TRPC5: variants seen among roughly 807,000 people sequenced by gnomAD.
TRPC5 encodes the protein short transient receptor potential channel 5.
Under a neutral mutation model 56.5 loss-of-function variants are expected in TRPC5, and 9 were observed. The ratio of observed to expected loss-of-function variants is 0.16; its 90% CI spans 0.10 to 0.28. The LOEUF (loss-of-function observed/expected upper bound fraction) is 0.28. Among genes scored for constraint, TRPC5 ranks in the 10% least tolerant of loss-of-function variants. The pLI is 1.00. For synonymous variants in TRPC5, 282 were observed against 278.5 expected (o/e 1.01, Z -0.13); for missense variants, 469 against 748.9 (o/e 0.63, Z 4.36).
At chrX:111,937,777 T>A (rs1300792001) in intron 2 of TRPC5, among the ~76,000 whole-genome samples, 2 of 102,059 alleles carry the variant, frequency 2.0e-5, no homozygotes, top group East Asian at 3.1e-4. Flanking sequence ...AGTCAGGTAG[T>A]GTGATGCCTC....
chrX:111,962,145 T>G lies in TRPC5; in HGVS notation c.-21-9704A>C, dbSNP rs2238998. Among the ~76,000 whole-genome samples the G allele has an allele frequency of 7.3e-4, 81 of 111,565 alleles. 1 individual carries two copies. In the East Asian group the frequency reaches 0.022, roughly 30 times the overall value. The stretch of plus-strand genomic sequence containing the variant: ...ATATCTATCAGGTAGGGTTCACTAT[T>G]TGGATAATGGGTACACTAGAAGCCC... On this transcript the variant is annotated intron_variant, in intron 1 of 10. Coordinates refer to ENST00000262839, the MANE Select transcript of TRPC5 (RefSeq NM_012471.3).
At chrX:112,074,023 A>G in intron 1 of TRPC5, among the ~76,000 whole-genome samples, 1 of 111,928 alleles carries the variant, frequency 8.9e-6, no homozygotes, top group Non-Finnish European at 1.9e-5. Flanking sequence ...TACTCTGGCC[A>G]GGTACTGGGC....
intron 1 of TRPC5, among the ~76,000 whole-genome samples, chrX:111,980,655 T>C (rs1928052987): frequency 9.1e-6 from 1 of 110,145 alleles, no homozygotes; most frequent in South Asian, 3.8e-4. Context: ...ATATCAAAAC[T>C]TGACTCCTTC....
intron 3 of TRPC5, chrX:111,896,165 G>A (rs1216577516): frequency 9.0e-6 from 1 of 110,719 alleles, no homozygotes; most frequent in Admixed American, 9.7e-5. Flanking sequence ...GTCTCCCAAT[G>A]GCCCAAAGTT....
At chrX:112,075,217 A>T (rs1268767509) in intron 1 of TRPC5, among the ~76,000 whole-genome samples, 1 of 112,248 alleles carries the variant, frequency 8.9e-6, no homozygotes, top group African/African-American at 3.2e-5. Flanking sequence ...TGTGAGTTAC[A>T]AACTTTCAGG....
intron 3 of TRPC5, among the ~76,000 whole-genome samples, chrX:111,869,529 A>G (rs1329028217): frequency 8.9e-6 from 1 of 112,022 alleles, no homozygotes; most frequent in African/African-American, 3.2e-5. Flanking sequence ...CACTACTTAG[A>G]ACTAAATGGA....
chrX:112,043,689 G>A (rs1388517022), intron 1 of TRPC5, among the ~76,000 whole-genome samples: 1 of 108,214 alleles, frequency 9.2e-6, no homozygotes, highest in East Asian at 2.9e-4. Flanking sequence ...CTCAAGAGGA[G>A]AAATGTCCTT....
At chrX:111,930,738 C>T (rs1412830798) in intron 2 of TRPC5, 2 of 111,828 alleles carry the variant, frequency 1.8e-5, no homozygotes, top group African/African-American at 6.5e-5. Context: ...AGCTAGCCTG[C>T]AGCTATTTAT....
intron 7 of TRPC5, among the ~76,000 whole-genome samples, chrX:111,807,956 C>CTCTCTGTGTGTG (rs905386723): frequency 1.8e-4 from 17 of 91,926 alleles, no homozygotes; most frequent in African/African-American, 8.6e-4. Context: ...CTCTCTCTCT[C>CTCTCTGTGTGTG]TGTGTGTGTG....
chrX:111,897,396 A>G (rs1925119121), intron 3 of TRPC5, among the ~76,000 whole-genome samples: 1 of 110,922 alleles, frequency 9.0e-6, no homozygotes, highest in East Asian at 2.8e-4. Context: ...GGGGAGTAAA[A>G]TTTACATATA....
chrX:112,060,773 A>G (rs1446068164), intron 1 of TRPC5, among the ~76,000 whole-genome samples: 1 of 112,442 alleles, frequency 8.9e-6, no homozygotes, highest in African/African-American at 3.2e-5. Context: ...AAAATAATAT[A>G]TGACTGAAAA....
intron 1 of TRPC5, among the ~76,000 whole-genome samples, chrX:111,993,348 G>A (rs1928419754): frequency 8.9e-6 from 1 of 111,815 alleles, no homozygotes; most frequent in Non-Finnish European, 1.9e-5. Context: ...TGTGAATAGT[G>A]CCACAATAAA....
intron 2 of TRPC5, among the ~76,000 whole-genome samples, chrX:111,949,595 C>T (rs1408220470): frequency 8.9e-6 from 1 of 112,009 alleles, no homozygotes; most frequent in East Asian, 2.8e-4. Context: ...TGAAAAAATG[C>T]TCGACATCAC....
intron 1 of TRPC5, among the ~76,000 whole-genome samples, chrX:111,980,400 T>G (rs904166594): frequency 9.0e-6 from 1 of 110,822 alleles, no homozygotes; most frequent in Non-Finnish European, 1.9e-5. Context: ...ATTTCAGGAG[T>G]TTAATGGGAT....
In TRPC5 at chrX:112,035,092, A is replaced by ATT. The variant is rs1569529913; in HGVS notation, c.-22+46786_-22+46787insAA. On this transcript the variant is annotated intron_variant, in intron 1 of 10. Transcript: ENST00000262839. ...TGAAGTTTTCCTTTTTTTTTTTTAA[A>ATT]AAAAAAAAAATGTAAGAGCTTAGAG... Among the ~76,000 whole-genome samples, 691 of 90,482 alleles carry ATT rather than the reference A, an allele frequency of 7.6e-3. 13 individuals carry two copies. The highest frequency in any genetic ancestry group is 0.032 in the African/African-American group (638 of 20,175). The allele number at this position is 90,482 out of a possible 115,157, so 78.6% of individuals were successfully genotyped here.
At chrX:112,014,292 C>T (rs1929064642) in intron 1 of TRPC5, among the ~76,000 whole-genome samples, 2 of 112,343 alleles carry the variant, frequency 1.8e-5, no homozygotes, top group South Asian at 3.7e-4. Flanking sequence ...CAGTTTTCTC[C>T]ATCATTTTGA....
At chrX:112,080,540 G>C (rs190159744) in intron 1 of TRPC5, among the ~76,000 whole-genome samples, 1 of 110,658 alleles carries the variant, frequency 9.0e-6, no homozygotes, top group Non-Finnish European at 1.9e-5. Flanking sequence ...TTCTTCCTTC[G>C]ACCTCACAGA....
At chrX:111,951,230 A>T (rs1243825257) in intron 2 of TRPC5, among the ~76,000 whole-genome samples, 1 of 111,834 alleles carries the variant, frequency 8.9e-6, no homozygotes, top group East Asian at 2.8e-4. Context: ...GGGCTGTGGC[A>T]GAGGCCTGAG....
In TRPC5 at chrX:112,082,230, C is replaced by G. The variant is rs1477131077; in HGVS notation, c.-373G>C. ...TACCCTGTTCTCCCAGCTCTCTAAC[C>G]CAACCTGAGCCCCTTCAAGCGCACC... On this transcript the variant is annotated 5_prime_UTR_variant, in exon 1 of 11. Transcript: ENST00000262839. 9.0e-6 allele frequency: 1 copy of G among 111,508 alleles called. No individual in the cohort carries two copies. The highest frequency in any genetic ancestry group is 1.9e-5 in the Non-Finnish European group (1 of 53,247). 9.2% of individuals were successfully genotyped at this position (111,508 alleles called of 1,213,427 possible).
Sources: allele counts gnomAD v4.1 joint callset (sites outside exome capture counted in the v4.1 genomes callset), GRCh38; gene constraint gnomAD v4.1.1; transcripts MANE v1.5; gene names NCBI Gene and HGNC (gene_info 2026-07-23, HGNC 2026-07-21).